PEX10: variants seen among roughly 807,000 people sequenced by gnomAD.
PEX10 encodes peroxisome biogenesis factor 10.
A neutral mutation model predicts 38.0 loss-of-function variants in PEX10; 32 were observed. The ratio of observed to expected loss-of-function variants is 0.84; its 90% CI spans 0.63 to 1.13. PEX10 has a LOEUF of 1.13. PEX10 is among the 50% of genes most tolerant of loss of function. The probability of loss-of-function intolerance (pLI) is 0.00; values close to 1 mark genes in which losing one functional copy is unlikely to be tolerated. For missense variants in PEX10, 483 were observed against 457.7 expected (o/e 1.06, Z -0.51); for synonymous variants, 206 against 207.3 (o/e 0.99, Z 0.05).
At position 2,406,851 on chromosome 1, in the gene PEX10, A is replaced by T. The variant is rs972385999; in HGVS notation, c.645T>A (p.Val215=). Residue 215 remains valine (V), a synonymous_variant, in exon 4 of 6, where the codon GTT becomes GTA. Transcript: ENST00000447513. ...AGATGACCCCCAGCAGCCTGTAGCT[A>T]ACACGGGCCCTCAGGTCCTCTCCGG... ...SLPGEDLRAR[V]SYRLLGVISL... The T allele has an allele frequency of 1.9e-6, 3 of 1,610,324 alleles. No individual in the cohort carries two copies. The highest frequency in any genetic ancestry group is 2.7e-5 in the African/African-American group (2 of 75,020).
rs370167317 is a variant in PEX10 at position 2,410,365 on chromosome 1, T to C, written c.193+6A>G. The C allele has an allele frequency of 1.9e-6, 3 of 1,613,362 alleles. No individual in the cohort carries two copies. Among genetic ancestry groups the C allele is most frequent in the Non-Finnish European group, 2.5e-6 (3 of 1,179,354 alleles). On this transcript the variant is annotated splice_donor_region_variant and intron_variant, in intron 2 of 5. Transcript: ENST00000447513. This position sits in a 1 kb window ranked among gnomAD's most constrained non-coding sequence, Gnocchi z 5.1. The stretch of plus-strand genomic sequence containing the variant: ...CTCAGTCCTGAGGTCCCGTGGGAGC[T>C]TCTACCTGCAAGTGTGGTGAGGCCA...
rs916613615 is a variant in PEX10, at chr1:2,410,057, C to T, written c.193+314G>A. 7.6e-5 allele frequency: 30 copies of T among 392,698 alleles called. No homozygotes were observed. The highest frequency in any genetic ancestry group is 6.4e-4 in the South Asian group (30 of 47,000). 24.3% of individuals were successfully genotyped at this position (392,698 alleles called of 1,614,324 possible). A position where few individuals can be genotyped will look rare whatever the true frequency, so the allele number is the denominator to read the frequency against. On this transcript the variant is annotated intron_variant, in intron 2 of 5. Transcript: ENST00000447513. The surrounding 1 kb of genome is among the most constrained non-coding windows in gnomAD (Gnocchi z 5.1). ...AGGGCACTGTCACACGGGCACTGCA[C>T]CCTATGACATGGCTCAGCACTGTGA...
At chr1:2,413,362 C>A (rs1439654076), upstream of PEX10, among the ~76,000 whole-genome samples, 1 of 152,206 alleles carries the variant, frequency 6.6e-6, no homozygotes, top group Non-Finnish European at 1.5e-5. Context: ...GCAGGCGCTC[C>A]GATCCCTCTG....
chr1:2,408,625 GC>G lies in PEX10; in HGVS notation c.426del (p.Arg143AlafsTer10). 1 of 1,610,640 alleles carries G rather than the reference GC, an allele frequency of 6.2e-7. No individual in the cohort carries two copies. Among genetic ancestry groups the G allele is most frequent in the Non-Finnish European group, 8.5e-7 (1 of 1,179,486 alleles). On this transcript the variant is annotated frameshift_variant, in exon 3 of 6. Transcript: ENST00000447513. LOFTEE classifies it high-confidence loss of function. ...GPGGRGCSGA[R>X]RWMRHHTATL... ...GTGGCCGTGTGGTGACGCATCCAGCGCCGCGCCCCTGAGCAGCCACGCCCAC... is the reference window on the plus strand; with the variant it reads ...GTGGCCGTGTGGTGACGCATCCAGCGCGCGCCCCTGAGCAGCCACGCCCAC...
At chr1:2,412,106 C>A (rs903608332) in intron 1 of PEX10, among the ~76,000 whole-genome samples, 2 of 152,250 alleles carry the variant, frequency 1.3e-5, no homozygotes, top group Non-Finnish European at 2.9e-5. Context: ...GTCAGCTGGA[C>A]CTGCCCTGAG....
At chr1:2,406,128 C>T (rs1642994369) in intron 5 of PEX10, among the ~76,000 whole-genome samples, 1 of 152,148 alleles carries the variant, frequency 6.6e-6, no homozygotes, top group Non-Finnish European at 1.5e-5. Context: ...AGCGTGCGCT[C>T]TCACCCTGCC....
chr1:2,410,945 G>C lies in PEX10; in HGVS notation c.113-494C>G. On this transcript the variant is annotated intron_variant, in intron 1 of 5. Coordinates refer to ENST00000447513, the MANE Select transcript of PEX10 (RefSeq NM_002617.4). This position sits in a 1 kb window ranked among gnomAD's most constrained non-coding sequence, Gnocchi z 5.1. ...TGTCTGGCACAGGGGTAAGTGCCAA[G>C]TGTACTGTAAAACAAGTAAGTACAC... 1 of 448,988 alleles carries C rather than the reference G, an allele frequency of 2.2e-6. No homozygotes were observed. The highest frequency in any genetic ancestry group is 7.0e-5 in the East Asian group (1 of 14,266). The allele number at this position is 448,988 out of a possible 1,614,324, so 27.8% of individuals were successfully genotyped here.
chr1:2,408,896 G>A, intron 2 of PEX10, 38 bp from the exon 3 acceptor site: 1 of 1,604,832 alleles, frequency 6.2e-7, no homozygotes, highest in Non-Finnish European at 8.5e-7. Context: ...CCCTGAGACT[G>A]CTGCCGCGGG....
chr1:2,412,539 GCCACGC>G lies in PEX10; in HGVS notation c.-43_-38del. 1 of 1,298,338 alleles carries G rather than the reference GCCACGC, an allele frequency of 7.7e-7. No homozygotes were observed. The highest frequency in any genetic ancestry group is 9.8e-7 in the Non-Finnish European group (1 of 1,021,982). The allele number at this position is 1,298,338 out of a possible 1,614,324, so 80.4% of individuals were successfully genotyped here. On this transcript the variant is annotated 5_prime_UTR_variant, in exon 1 of 6. Coordinates refer to ENST00000447513, the MANE Select transcript of PEX10 (RefSeq NM_002617.4). ...CGGGTGGTCCCGAGCAGCCACGCCG[GCCACGC>G]CCACGCCCAGACGGGCGAGAACTGA...
At position 2,408,330 on chromosome 1, in the gene PEX10, A is replaced by G; in HGVS notation, c.600+122T>C. The G allele has an allele frequency of 6.5e-6, 7 of 1,082,280 alleles. No homozygotes were observed. In the South Asian group the frequency reaches 8.8e-5, roughly 14 times the overall value. 67.0% of individuals were successfully genotyped at this position (1,082,280 alleles called of 1,614,324 possible). On this transcript the variant is annotated intron_variant, in intron 3 of 5. Coordinates refer to ENST00000447513, the MANE Select transcript of PEX10 (RefSeq NM_002617.4). ...GATTTGGGTTCCTGCCTTGACACAG[A>G]TGCTGGATGTAGAACCCTGTTGGCT... is the stretch of plus-strand genomic sequence containing the variant.
In PEX10 at chr1:2,410,523, CCCCAGTTGTCTAGG is replaced by C; in HGVS notation, c.113-86_113-73del. On this transcript the variant is annotated intron_variant, in intron 1 of 5. Coordinates refer to ENST00000447513, the MANE Select transcript of PEX10 (RefSeq NM_002617.4). This position sits in a 1 kb window ranked among gnomAD's most constrained non-coding sequence, Gnocchi z 5.1. Reference sequence around the variant, plus strand: ...CTGAGGATGAGGGACCACAGTCCTCCCCCAGTTGTCTAGGCCCAGATCCAGTCCCACCCCTTCCA... The same window carrying C: ...CTGAGGATGAGGGACCACAGTCCTCCCCCAGATCCAGTCCCACCCCTTCCA... The C allele has an allele frequency of 1.5e-6, 2 of 1,347,562 alleles. No individual in the cohort carries two copies. Among genetic ancestry groups the C allele is most frequent in the Non-Finnish European group, 2.1e-6 (2 of 952,498 alleles). The allele number at this position is 1,347,562 out of a possible 1,614,324, so 83.5% of individuals were successfully genotyped here. A position where few individuals can be genotyped will look rare whatever the true frequency, so the allele number is the denominator to read the frequency against.
intron 1 of PEX10, among the ~76,000 whole-genome samples, chr1:2,411,191 G>A (rs1643190097): frequency 1.3e-5 from 2 of 149,572 alleles, no homozygotes; most frequent in Non-Finnish European, 3.0e-5. Flanking sequence ...TGCCTTTAAC[G>A]ACTGCCTGCC....
chr1:2,408,305 G>T, intron 3 of PEX10, 147 bp downstream of exon 3: 1 of 877,084 alleles, frequency 1.1e-6, no homozygotes, highest in Non-Finnish European at 1.9e-6. Flanking sequence ...CCAAGCAGAG[G>T]ATTTGGGTTC....
Position 2,404,032 on chromosome 1 carries a change from A to T in PEX10, c.*1734T>A, listed in dbSNP as rs1030908658. On this transcript the variant is annotated 3_prime_UTR_variant, in exon 6 of 6. Transcript: ENST00000447513. ...CTAAAACATGGCAGTCGCTGGACAC[A>T]GGAAAGCCCACCTTTTGTTTGGCCT... is the stretch of plus-strand genomic sequence containing the variant. 6.6e-6 allele frequency: 1 copy of T among 152,272 alleles called. No homozygotes were observed. The highest frequency in any genetic ancestry group is 2.4e-5 in the African/African-American group (1 of 41,470). 9.4% of individuals were successfully genotyped at this position (152,272 alleles called of 1,614,324 possible).
chr1:2,410,526 C>G lies in PEX10; in HGVS notation c.113-75G>C, dbSNP rs1404841158. ...AGGATGAGGGACCACAGTCCTCCCC[C>G]AGTTGTCTAGGCCCAGATCCAGTCC... On this transcript the variant is annotated intron_variant, in intron 1 of 5. Transcript: ENST00000447513. The surrounding 1 kb of genome is among the most constrained non-coding windows in gnomAD (Gnocchi z 5.1). 7 of 1,330,222 alleles carry G rather than the reference C, an allele frequency of 5.3e-6. No individual in the cohort carries two copies. The highest frequency in any genetic ancestry group is 7.5e-6 in the Non-Finnish European group (7 of 938,310). The allele number at this position is 1,330,222 out of a possible 1,614,324, so 82.4% of individuals were successfully genotyped here.
Position 2,410,975 on chromosome 1 carries a change from A to AC in PEX10, c.113-525_113-524insG. ...CTGTAAAACAAGTAAGTACACACAC[A>AC]AAAAATTCTCATCATGTCACTCTCC... On this transcript the variant is annotated intron_variant, in intron 1 of 5. Coordinates refer to ENST00000447513, the MANE Select transcript of PEX10 (RefSeq NM_002617.4). The surrounding 1 kb of genome is among the most constrained non-coding windows in gnomAD (Gnocchi z 5.1). 1 of 422,724 alleles carries AC rather than the reference A, an allele frequency of 2.4e-6. No homozygotes were observed. Among genetic ancestry groups the AC allele is most frequent in the South Asian group, 1.7e-5 (1 of 59,878 alleles). 26.2% of individuals were successfully genotyped at this position (422,724 alleles called of 1,614,324 possible).
chr1:2,407,341 C>T (rs1016132051), intron 3 of PEX10, among the ~76,000 whole-genome samples: 1 of 152,266 alleles, frequency 6.6e-6, no homozygotes, highest in African/African-American at 2.4e-5. Context: ...GCTGGTGACA[C>T]AGGTAGCTTC....
rs2100417951 is a variant in PEX10, at chr1:2,405,445, T to C, written c.*321A>G. On this transcript the variant is annotated 3_prime_UTR_variant, in exon 6 of 6. Coordinates refer to ENST00000447513, the MANE Select transcript of PEX10 (RefSeq NM_002617.4). ...AAGTGTCTTCTGGCCTACTTCTGAA[T>C]TACTTCTCAACTGTATGGTTTGGGG... The C allele has an allele frequency of 2.0e-6, 1 of 493,546 alleles. No individual in the cohort carries two copies. Among genetic ancestry groups the C allele is most frequent in the South Asian group, 2.0e-5 (1 of 49,308 alleles). 30.6% of individuals were successfully genotyped at this position (493,546 alleles called of 1,614,324 possible). A position where few individuals can be genotyped will look rare whatever the true frequency, so the allele number is the denominator to read the frequency against.
rs753300436 is a variant in PEX10, at chr1:2,406,873, C to G, written c.623G>C (p.Gly208Ala). ...GCTAACACGGGCCCTCAGGTCCTCT[C>G]CGGGCAGGCTGCGGACACGGAGCTG... ...ITYLRVRSLP[G>A]EDLRARVSYR... The change falls in exon 4 of 6, where the codon GGA becomes GCA. Residue 208 changes from glycine to alanine, a missense_variant. Gly to Ala is a moderately conservative substitution (Grantham distance 60). Coordinates refer to ENST00000447513, the MANE Select transcript of PEX10 (RefSeq NM_002617.4). The G allele has an allele frequency of 6.2e-7, 1 of 1,609,388 alleles. No homozygotes were observed. The highest frequency in any genetic ancestry group is 8.5e-7 in the Non-Finnish European group (1 of 1,178,198).
Sources: allele counts gnomAD v4.1 joint callset (sites outside exome capture counted in the v4.1 genomes callset), GRCh38; gene constraint gnomAD v4.1.1; non-coding constraint Gnocchi (gnomAD v3.1); transcripts MANE v1.5; gene names NCBI Gene and HGNC (gene_info 2026-07-23, HGNC 2026-07-21).